CSMD1: variants seen among roughly 807,000 people sequenced by gnomAD.
The protein encoded by CSMD1 is CUB and sushi domain-containing protein 1.
In CSMD1, 213 loss-of-function variants were observed where a neutral mutation model predicts 417.5. That is an observed-to-expected ratio of 0.51 (90% confidence interval 0.46 to 0.57). The LOEUF is 0.57. CSMD1 is among the 20% of genes least tolerant of loss of function. The probability of loss-of-function intolerance (pLI) is 0.00; values close to 1 mark genes in which losing one functional copy is unlikely to be tolerated. For missense variants in CSMD1, 6,923 were observed against 4,529.7 expected (o/e 1.53, Z -15.17); for synonymous variants, 2,862 against 1,736.8 (o/e 1.65, Z -16.11).
chr8:2,969,900 T>C (rs979040979), intron 57 of CSMD1, among the ~76,000 whole-genome samples: 4 of 152,196 alleles, frequency 2.6e-5, no homozygotes, highest in African/African-American at 9.6e-5. Flanking sequence ...CTTATTCAGC[T>C]TCCCATGATG....
intron 3 of CSMD1, among the ~76,000 whole-genome samples, chr8:4,327,430 C>T (rs1332644569): frequency 6.6e-6 from 1 of 152,166 alleles, no homozygotes; most frequent in Non-Finnish European, 1.5e-5. Context: ...CTGGCACAAT[C>T]AGTCGGATTG....
intron 3 of CSMD1, among the ~76,000 whole-genome samples, chr8:4,375,888 G>C (rs975593745): frequency 1.3e-5 from 2 of 152,074 alleles, no homozygotes; most frequent in African/African-American, 4.8e-5. Flanking sequence ...TCAAACACAG[G>C]CAAATGCCTT....
chr8:3,816,140 C>G (rs1189341645), intron 5 of CSMD1, among the ~76,000 whole-genome samples: 1 of 152,164 alleles, frequency 6.6e-6, no homozygotes, highest in Admixed American at 6.5e-5. Flanking sequence ...CAGGCTCAGT[C>G]TCAAAGAAAA....
rs775472545 is a variant in CSMD1, at chr8:2,942,586, T to C, written c.10421A>G (p.Gln3474Arg). Residue 3474 changes from glutamine to arginine, a missense_variant, in exon 69 of 70, where the codon CAA (glutamine) becomes CGA (arginine). Gln to Arg is a conservative substitution (Grantham distance 43). Transcript: ENST00000635120. ...GCCGTGGTAATGACTGGAAGAGTCT[T>C]GATCTGGGTTTAAAGGATCTGTAAG... is the stretch of plus-strand genomic sequence containing the variant. ...LERQDPLNPD[Q>R]DSSSHYHGTS... The C allele has an allele frequency of 6.3e-7, 1 of 1,595,022 alleles. No homozygotes were observed. The highest frequency in any genetic ancestry group is 1.1e-5 in the South Asian group (1 of 88,328).
chr8:3,283,346 T>G lies in CSMD1; in HGVS notation c.4153+798A>C, dbSNP rs146292254. Among the ~76,000 whole-genome samples, 20 of 152,210 alleles carry G rather than the reference T, an allele frequency of 1.3e-4. 1 individual carries two copies. In the East Asian group the frequency reaches 3.9e-3, roughly 29 times the overall value. The stretch of plus-strand genomic sequence containing the variant: ...AATCGGGGCTGGGTTAGGGGAGCCC[T>G]GAAGATAGGCTCTACATTTATGTAG... On this transcript the variant is annotated intron_variant, in intron 26 of 69. Transcript: ENST00000635120.
chr8:4,942,998 A>C (rs918995591), intron 1 of CSMD1, among the ~76,000 whole-genome samples: 1 of 152,204 alleles, frequency 6.6e-6, no homozygotes, highest in African/African-American at 2.4e-5. Flanking sequence ...AGGCGCTCTC[A>C]GGACTCTGTT....
intron 35 of CSMD1, 99 bp from the exon 36 acceptor site, chr8:3,188,064 G>C: frequency 3.9e-6 from 2 of 512,264 alleles, no homozygotes; most frequent in East Asian, 3.9e-5. Context: ...AGGTGTATAT[G>C]TATATATATA....
intron 4 of CSMD1, among the ~76,000 whole-genome samples, chr8:4,026,372 G>A (rs1035509302): frequency 1.3e-5 from 2 of 152,184 alleles, no homozygotes; most frequent in African/African-American, 2.4e-5. Context: ...TGTGATAAAA[G>A]CACACTGATC....
At chr8:3,420,867 G>C (rs1291243348) in intron 12 of CSMD1, among the ~76,000 whole-genome samples, 1 of 151,992 alleles carries the variant, frequency 6.6e-6, no homozygotes, top group Admixed American at 6.6e-5. Flanking sequence ...AAAATAATAA[G>C]TAAAATGCTT....
intron 1 of CSMD1, chr8:4,788,283 T>G (rs925030434): frequency 3.0e-5 from 48 of 1,589,498 alleles, no homozygotes; most frequent in Non-Finnish European, 3.8e-5. Flanking sequence ...TCCTACTGTA[T>G]TTGTGGCAGT....
chr8:3,660,543 A>T lies in CSMD1; in HGVS notation c.1010-43746T>A, dbSNP rs71502965. Among the ~76,000 whole-genome samples, 9 of 70,056 alleles carry T rather than the reference A, an allele frequency of 1.3e-4. 3 individuals are homozygous for T. Among genetic ancestry groups the T allele is most frequent in the South Asian group, 1.2e-3 (2 of 1,698 alleles). 46.0% of individuals were successfully genotyped at this position (70,056 alleles called of 152,430 possible). A position where few individuals can be genotyped will look rare whatever the true frequency, so the allele number is the denominator to read the frequency against. On this transcript the variant is annotated intron_variant, in intron 7 of 69. Transcript: ENST00000635120. The stretch of plus-strand genomic sequence containing the variant: ...TTTTTTTTTTTTTTTTTTTTTGAAA[A>T]AAAACAAGGCCCTGCAGTCCAGGCA...
intron 3 of CSMD1, among the ~76,000 whole-genome samples, chr8:4,345,204 C>T (rs547426648): frequency 1.3e-5 from 2 of 152,110 alleles, no homozygotes; most frequent in South Asian, 2.1e-4. Flanking sequence ...TGATGACCAA[C>T]GCTAACATAT....
At chr8:4,685,827 G>C (rs1806348348) in intron 1 of CSMD1, among the ~76,000 whole-genome samples, 1 of 152,114 alleles carries the variant, frequency 6.6e-6, no homozygotes, top group South Asian at 2.1e-4. Flanking sequence ...CTTTCAATTT[G>C]CCATGACTCA....
chr8:4,804,390 C>T (rs11136781), intron 1 of CSMD1, among the ~76,000 whole-genome samples: 1 of 151,998 alleles, frequency 6.6e-6, no homozygotes, highest in African/African-American at 2.4e-5. Flanking sequence ...TATTTTAAGA[C>T]GCCAAATTAC....
At chr8:4,469,657 G>C (rs758064029) in intron 2 of CSMD1, among the ~76,000 whole-genome samples, 16 of 151,972 alleles carry the variant, frequency 1.1e-4, no homozygotes, top group Non-Finnish European at 2.4e-4. Flanking sequence ...TCCCCACCTC[G>C]TCTGGAAACA....
intron 3 of CSMD1, among the ~76,000 whole-genome samples, chr8:4,360,856 A>G (rs1801716911): frequency 6.6e-6 from 1 of 152,130 alleles, no homozygotes; most frequent in East Asian, 1.9e-4. Flanking sequence ...GGTCTCCTTT[A>G]TCTATCTTTA....
At chr8:4,818,701 C>T (rs1040690807) in intron 1 of CSMD1, among the ~76,000 whole-genome samples, 7 of 152,240 alleles carry the variant, frequency 4.6e-5, no homozygotes, top group South Asian at 4.2e-4. Flanking sequence ...GATGAAAAAA[C>T]AATCATCATG....
Position 4,606,122 on chromosome 8 carries a change from G to A in CSMD1, c.302+31220C>T, listed in dbSNP as rs927661991. 6.6e-5 allele frequency among the ~76,000 whole-genome samples: 10 copies of A among 152,280 alleles called. No homozygotes were observed. In the South Asian group the frequency reaches 1.7e-3, roughly 25 times the overall value. Reference sequence around the variant, plus strand: ...AAAATTGATCGAGCTGAAATGACTTGCAGGATTAATTCACACTAATACTGA... The same window carrying A: ...AAAATTGATCGAGCTGAAATGACTTACAGGATTAATTCACACTAATACTGA... On this transcript the variant is annotated intron_variant, in intron 2 of 69. Coordinates refer to ENST00000635120, the MANE Select transcript of CSMD1 (RefSeq NM_033225.6).
intron 1 of CSMD1, among the ~76,000 whole-genome samples, chr8:4,764,400 C>G (rs1047835758): frequency 6.6e-6 from 1 of 152,088 alleles, no homozygotes; most frequent in African/African-American, 2.4e-5. Flanking sequence ...TGGCATATTA[C>G]TTTTTTACAA....
Sources: gnomAD v4.1 joint callset for allele counts (sites outside exome capture counted in the v4.1 genomes callset) on GRCh38, gnomAD v4.1.1 for gene constraint, MANE v1.5 for transcripts, NCBI Gene and HGNC (gene_info 2026-07-23, HGNC 2026-07-21) for gene names.